The following CHST3 variants were observed in gnomAD, a reference collection of about 807,000 sequenced individuals.
CHST3 encodes the protein carbohydrate sulfotransferase 3.
A neutral mutation model predicts 35.4 loss-of-function variants in CHST3; 20 were observed. The observed-to-expected ratio is 0.57, with a 90% CI of 0.40 to 0.82. The LOEUF (loss-of-function observed/expected upper bound fraction) is 0.82, where lower values mean the gene tolerates loss of function less well. CHST3 is among the 40% of genes least tolerant of loss of function. CHST3 has a pLI of 0.00. For missense variants in CHST3, 693 were observed against 670.1 expected (o/e 1.03, Z -0.38); for synonymous variants, 334 against 295.9 (o/e 1.13, Z -1.32).
In CHST3 at chr10:72,007,853, G is replaced by C. The variant is rs754684832; in HGVS notation, c.822G>C (p.Ala274=). 2 of 1,603,982 alleles carry C rather than the reference G, an allele frequency of 1.2e-6. No homozygotes were observed. The highest frequency in any genetic ancestry group is 1.7e-6 in the Non-Finnish European group (2 of 1,177,750). The change falls in exon 3 of 3, where the codon GCG becomes GCC. Residue 274 remains alanine, a synonymous_variant. Coordinates refer to ENST00000373115, the MANE Select transcript of CHST3 (RefSeq NM_004273.5). ...CRRKEHMALK[A]VRIRQLEFLQ... ...GCAAGGAGCACATGGCCCTCAAGGC[G>C]GTGCGCATCCGGCAGCTGGAGTTCC...
Position 72,007,412 on chromosome 10 carries a change from C to T in CHST3, c.381C>T (p.Ala127=), listed in dbSNP as rs769338504. Residue 127 remains alanine, a synonymous_variant, in exon 3 of 3, where the codon GCC becomes GCT. Coordinates refer to ENST00000373115, the MANE Select transcript of CHST3 (RefSeq NM_004273.5). ...QRKEEEPPRP[A]VAGPRRHVLL... ...AGGAGGAGGAGCCGCCCAGACCGGC[C>T]GTGGCGGGGCCCCGGCGCCACGTGC... The T allele has an allele frequency of 6.2e-7, 1 of 1,605,272 alleles. No homozygotes were observed. The highest frequency in any genetic ancestry group is 8.5e-7 in the Non-Finnish European group (1 of 1,178,702).
At chr10:71,975,144 C>T (rs1371059134) in intron 1 of CHST3, among the ~76,000 whole-genome samples, 1 of 152,192 alleles carries the variant, frequency 6.6e-6, no homozygotes, top group Non-Finnish European at 1.5e-5. Context: ...TTCAGACTGA[C>T]GGGCAGGCCC....
rs752228999 is a variant in CHST3, at chr10:72,013,516, C to T, written c.*5045C>T. ...TGTGAACCCAACTCCTGATGGCCTA[C>T]TTGACTTATTTAATTAAAGATGAAA... On this transcript the variant is annotated 3_prime_UTR_variant, in exon 3 of 3. Transcript: ENST00000373115. 6.6e-6 allele frequency: 1 copy of T among 152,184 alleles called. No individual in the cohort carries two copies. Among genetic ancestry groups the T allele is most frequent in the Non-Finnish European group, 1.5e-5 (1 of 68,034 alleles). 9.4% of individuals were successfully genotyped at this position (152,184 alleles called of 1,614,324 possible).
intron 1 of CHST3, among the ~76,000 whole-genome samples, chr10:71,998,066 G>C (rs1029159031): frequency 6.6e-6 from 1 of 152,202 alleles, no homozygotes; most frequent in African/African-American, 2.4e-5. Context: ...CTGAGTGTGG[G>C]ATGTCGAGGC....
chr10:72,001,441 G>A (rs934279525), intron 1 of CHST3, among the ~76,000 whole-genome samples: 2 of 152,018 alleles, frequency 1.3e-5, no homozygotes, highest in East Asian at 3.9e-4. Flanking sequence ...AGTTGCTGGG[G>A]CATTGAGGGG....
Position 71,990,152 on chromosome 10 carries a change from T to G in CHST3, c.-107-15584T>G, listed in dbSNP as rs972340555. On this transcript the variant is annotated intron_variant, in intron 1 of 2. Coordinates refer to ENST00000373115, the MANE Select transcript of CHST3 (RefSeq NM_004273.5). The stretch of plus-strand genomic sequence containing the variant: ...CCTGGGTCGAAGAGTGTTATAGCAG[T>G]CCTTTGGGGCTGCTATAACAAATAC... Among the ~76,000 whole-genome samples, 5 of 152,252 alleles carry G rather than the reference T, an allele frequency of 3.3e-5. No individual in the cohort carries two copies. In the South Asian group the frequency reaches 1.0e-3, roughly 32 times the overall value.
At chr10:72,007,133 C>G (rs753672743) in intron 2 of CHST3, 39 bp from the exon 3 acceptor site, 1 of 1,608,812 alleles carries the variant, frequency 6.2e-7, no homozygotes, top group Non-Finnish European at 8.5e-7. Context: ...GACGGGGTCC[C>G]CAGTCAGCCA....
chr10:71,989,155 C>T (rs1169444659), intron 1 of CHST3, among the ~76,000 whole-genome samples: 1 of 151,994 alleles, frequency 6.6e-6, no homozygotes, highest in Non-Finnish European at 1.5e-5. Context: ...GAGCAAGGCT[C>T]TGTCTGACAG....
In CHST3 at chr10:72,008,982, CAG is replaced by C. The variant is rs1164127656; in HGVS notation, c.*512_*513del. The C allele has an allele frequency of 6.4e-6, 1 of 156,956 alleles. No individual in the cohort carries two copies. The allele number at this position is 156,956 out of a possible 1,614,324, so 9.7% of individuals were successfully genotyped here. Reference sequence around the variant, plus strand: ...GGCATTTGAGGCTCGTTTGAGGTGACAGTGGCTGTTTACCAACTAGTACAGAG... The same window carrying C: ...GGCATTTGAGGCTCGTTTGAGGTGACTGGCTGTTTACCAACTAGTACAGAG... On this transcript the variant is annotated 3_prime_UTR_variant, in exon 3 of 3. Coordinates refer to ENST00000373115, the MANE Select transcript of CHST3 (RefSeq NM_004273.5).
At chr10:72,003,312 G>A (rs1372823197) in intron 1 of CHST3, among the ~76,000 whole-genome samples, 1 of 152,180 alleles carries the variant, frequency 6.6e-6, no homozygotes, top group East Asian at 1.9e-4. Context: ...CCAGAAGCCA[G>A]CACAAGGTAA....
At chr10:71,970,072 C>T (rs1839675465) in intron 1 of CHST3, among the ~76,000 whole-genome samples, 1 of 152,252 alleles carries the variant, frequency 6.6e-6, no homozygotes, top group East Asian at 1.9e-4. Context: ...CCCTGGCAGG[C>T]CTGGACGGTT....
chr10:71,968,087 A>T (rs2131735108), intron 1 of CHST3, among the ~76,000 whole-genome samples: 1 of 151,668 alleles, frequency 6.6e-6, no homozygotes, highest in Non-Finnish European at 1.5e-5. Flanking sequence ...AAATGCTGGG[A>T]TTACAGGCAT....
chr10:71,998,325 C>T (rs958477016), intron 1 of CHST3, among the ~76,000 whole-genome samples: 5 of 152,226 alleles, frequency 3.3e-5, no homozygotes, highest in South Asian at 2.1e-4. Context: ...ACTTGGGCCA[C>T]GTCCTTGGGC....
Position 72,008,261 on chromosome 10 carries a change from C to A in CHST3, c.1230C>A (p.Asp410Glu). The change falls in exon 3 of 3, where the codon GAC (aspartate) becomes GAA (glutamate). Residue 410 changes from aspartate to glutamate, a missense_variant. Asp to Glu is a conservative substitution (Grantham distance 45, BLOSUM62 2). Transcript: ENST00000373115. ...WIQKNTQAAH[D>E]GSGIYSTQKN... Reference sequence around the variant, plus strand: ...AAAAGAACACGCAGGCGGCCCACGACGGCAGCGGCATCTACTCCACGCAGA... The same window carrying A: ...AAAAGAACACGCAGGCGGCCCACGAAGGCAGCGGCATCTACTCCACGCAGA... 1 of 1,580,656 alleles carries A rather than the reference C, an allele frequency of 6.3e-7. No individual in the cohort carries two copies. The highest frequency in any genetic ancestry group is 8.6e-7 in the Non-Finnish European group (1 of 1,163,882).
At position 72,012,663 on chromosome 10, in the gene CHST3, C is replaced by T. The variant is rs1365035826; in HGVS notation, c.*4192C>T. 3 of 152,382 alleles carry T rather than the reference C, an allele frequency of 2.0e-5. No individual in the cohort carries two copies. Among genetic ancestry groups the T allele is most frequent in the Non-Finnish European group, 2.9e-5 (2 of 68,186 alleles). 9.4% of individuals were successfully genotyped at this position (152,382 alleles called of 1,614,324 possible). Reference sequence around the variant, plus strand: ...GGCTGAGTGGAAGCAGATGCCTGCACAAGCCAAGTGTGTCTTATTGATCTG... The same window carrying T: ...GGCTGAGTGGAAGCAGATGCCTGCATAAGCCAAGTGTGTCTTATTGATCTG... On this transcript the variant is annotated 3_prime_UTR_variant, in exon 3 of 3. Coordinates refer to ENST00000373115, the MANE Select transcript of CHST3 (RefSeq NM_004273.5).
chr10:71,979,242 G>A (rs972854849), intron 1 of CHST3, among the ~76,000 whole-genome samples: 9 of 152,190 alleles, frequency 5.9e-5, no homozygotes, highest in African/African-American at 1.4e-4. Context: ...GTCGCTCAGC[G>A]TGTCTGGACC....
At chr10:72,000,320 G>C (rs74145516) in intron 1 of CHST3, among the ~76,000 whole-genome samples, 1,641 of 152,324 alleles carry the variant, frequency 0.011, 31 homozygotes, top group African/African-American at 0.038. Flanking sequence ...GGGTGGAGCA[G>C]ACAGATGAAG....
At position 72,008,554 on chromosome 10, in the gene CHST3, AG is replaced by A; in HGVS notation, c.*84del. On this transcript the variant is annotated 3_prime_UTR_variant, in exon 3 of 3. Coordinates refer to ENST00000373115, the MANE Select transcript of CHST3 (RefSeq NM_004273.5). The stretch of plus-strand genomic sequence containing the variant: ...CAGCCCTCGCAGAGGGCGGGTGCAC[AG>A]CGCCATGAGCGGGCAGCGCCTCCTG... The A allele has an allele frequency of 6.9e-7, 1 of 1,442,626 alleles. No individual in the cohort carries two copies. 89.4% of individuals were successfully genotyped at this position (1,442,626 alleles called of 1,614,324 possible).
chr10:71,976,814 T>C (rs1839749820), intron 1 of CHST3, among the ~76,000 whole-genome samples: 1 of 152,238 alleles, frequency 6.6e-6, no homozygotes, highest in African/African-American at 2.4e-5. Context: ...AAAAGAACTT[T>C]GCCTCTACGG....
Sources: gnomAD v4.1 joint callset for allele counts (sites outside exome capture counted in the v4.1 genomes callset) on GRCh38, gnomAD v4.1.1 for gene constraint, MANE v1.5 for transcripts, NCBI Gene and HGNC (gene_info 2026-07-23, HGNC 2026-07-21) for gene names.